NFRKB: variants seen among roughly 807,000 people sequenced by gnomAD.
NFRKB encodes the protein nuclear factor related to kappaB binding protein, also known as nuclear factor related to kappa-B-binding protein.
NFRKB carries 62 observed loss-of-function variants against 135.7 expected under a neutral mutation model. That is an observed-to-expected ratio of 0.46 (90% CI 0.37 to 0.56). NFRKB has a LOEUF of 0.56. NFRKB is among the 20% of genes least tolerant of loss of function. The pLI is 0.00. For synonymous variants in NFRKB, 678 were observed against 635.6 expected (o/e 1.07, Z -1.00); for missense variants, 1,545 against 1,662.0 (o/e 0.93, Z 1.22).
chr11:129,875,594 A>T, intron 17 of NFRKB, 131 bp from the exon 18 acceptor site: 9 of 521,216 alleles, frequency 1.7e-5, no homozygotes, highest in Middle Eastern at 5.5e-4. Context: ...ATGCCGGATT[A>T]GGTGCACTCT....
In NFRKB at chr11:129,884,798, G is replaced by T; in HGVS notation, c.689C>A (p.Ala230Glu). 1 of 1,614,194 alleles carries T rather than the reference G, an allele frequency of 6.2e-7. No individual in the cohort carries two copies. Among genetic ancestry groups the T allele is most frequent in the Non-Finnish European group, 8.5e-7 (1 of 1,180,034 alleles). Residue 230 changes from alanine to glutamate, a missense_variant, in exon 7 of 27, where the codon GCG becomes GAG. Physicochemically the swap from Ala to Glu is moderately radical, Grantham distance 107. Transcript: ENST00000682444. ...PSSPARSPSP[A>E]VPLRVVPTLS... ...TGTGGGCACCACCCGCAGGGGCACC[G>T]CAGGACTAGGAGAACGTGCTGGAGA... is the stretch of plus-strand genomic sequence containing the variant.
chr11:129,873,821 T>C lies in NFRKB; in HGVS notation c.2474A>G (p.Gln825Arg). 1 of 1,614,204 alleles carries C rather than the reference T, an allele frequency of 6.2e-7. No individual in the cohort carries two copies. Among genetic ancestry groups the C allele is most frequent in the Non-Finnish European group, 8.5e-7 (1 of 1,180,034 alleles). ...TCCTGCTGGCATCTGTGGCAATGTC[T>C]GTGCCGGCCCTCCCGACTGCTGGGG... ...AVPQQSGGPA[Q>R]TLPQMPAGPQ... Residue 825 changes from glutamine to arginine, a missense_variant, in exon 22 of 27, where the codon CAG becomes CGG. By Grantham distance (43) the Gln-to-Arg change is conservative (BLOSUM62 1). Around this residue, in one of 3 missense-constraint regions of NFRKB, gnomAD observed 753 missense variants for 804.3 expected, o/e 0.94. Coordinates refer to ENST00000682444, the MANE Select transcript of NFRKB (RefSeq NM_001143835.2).
At chr11:129,880,293 T>C (rs1948967611) in intron 13 of NFRKB, among the ~76,000 whole-genome samples, 1 of 152,128 alleles carries the variant, frequency 6.6e-6, no homozygotes, top group Non-Finnish European at 1.5e-5. Flanking sequence ...AACACCTTCC[T>C]CCACCAGCTG....
At chr11:129,868,526 A>C (rs997083103) in intron 24 of NFRKB, among the ~76,000 whole-genome samples, 1 of 152,156 alleles carries the variant, frequency 6.6e-6, no homozygotes, top group African/African-American at 2.4e-5. Flanking sequence ...GGAGTATCTC[A>C]ACTCTCCATG....
Position 129,869,584 on chromosome 11 carries a change from C to A in NFRKB, c.3441G>T (p.Gly1147=). 1 of 1,614,104 alleles carries A rather than the reference C, an allele frequency of 6.2e-7. No homozygotes were observed. The highest frequency in any genetic ancestry group is 1.3e-5 in the African/African-American group (1 of 74,994). ...TGATGCTGATGGGGGTGCTTGCAGCCCCAGAAGCCACAGCTACAGTCTTGG... is the reference window on the plus strand; with the variant it reads ...TGATGCTGATGGGGGTGCTTGCAGCACCAGAAGCCACAGCTACAGTCTTGG... The part of the protein sequence containing the change: ...AVSKTVAVAS[G]AASTPISIST... The change falls in exon 24 of 27, where the codon GGG becomes GGT. Residue 1147 remains glycine, a synonymous_variant. Transcript: ENST00000682444.
intron 3 of NFRKB, among the ~76,000 whole-genome samples, chr11:129,891,567 T>C (rs1255495733): frequency 6.6e-6 from 1 of 152,154 alleles, no homozygotes; most frequent in Non-Finnish European, 1.5e-5. Context: ...ATGGATTCCC[T>C]GAGTCACCAG....
chr11:129,881,469 T>C lies in NFRKB; in HGVS notation c.1358A>G (p.Glu453Gly). 6.2e-7 allele frequency: 1 copy of C among 1,614,194 alleles called. No individual in the cohort carries two copies. Among genetic ancestry groups the C allele is most frequent in the Non-Finnish European group, 8.5e-7 (1 of 1,180,030 alleles). The change falls in exon 13 of 27, where the codon GAG becomes GGG. Residue 453 changes from glutamate (E) to glycine (G), a missense_variant. Physicochemically the swap from Glu to Gly is moderately conservative, Grantham distance 98. Coordinates refer to ENST00000682444, the MANE Select transcript of NFRKB (RefSeq NM_001143835.2). The stretch of plus-strand genomic sequence containing the variant: ...AAGCAACTTCCACTGCTGGGTTTTC[T>C]CTTTGAATTCAACAAATGGAGAGAA... Reference protein sequence around the residue: ...SSFSPFVEFKEKTQQWKLLGQ... With the variant: ...SSFSPFVEFKGKTQQWKLLGQ...
chr11:129,891,137 A>C (rs1220763820), intron 3 of NFRKB, among the ~76,000 whole-genome samples: 1 of 152,186 alleles, frequency 6.6e-6, no homozygotes. Context: ...CCGTGCTTGC[A>C]GTGGGACTCA....
At chr11:129,889,483 T>C (rs1323028589) in intron 3 of NFRKB, among the ~76,000 whole-genome samples, 2 of 151,920 alleles carry the variant, frequency 1.3e-5, no homozygotes, top group East Asian at 3.9e-4. Flanking sequence ...GGAATGAACT[T>C]GAGGGACTGA....
intron 2 of NFRKB, chr11:129,894,060 G>A (rs540705552): frequency 2.6e-5 from 4 of 152,090 alleles, no homozygotes; most frequent in African/African-American, 7.2e-5. Flanking sequence ...TTTCTCCTTC[G>A]TGTAATAACA....
Position 129,877,858 on chromosome 11 carries a change from T to C in NFRKB, c.1511+451A>G, listed in dbSNP as rs74339272. 6.9e-3 allele frequency among the ~76,000 whole-genome samples: 1,055 copies of C among 152,160 alleles called. 10 individuals carry two copies. Among genetic ancestry groups the C allele is most frequent in the African/African-American group, 0.024 (1,000 of 41,490 alleles). ...CTGGTGTCAGAAAACTACCGAACCATGCCAGGGAAGAAAAAGAAACATGGG... is the reference window on the plus strand; with the variant it reads ...CTGGTGTCAGAAAACTACCGAACCACGCCAGGGAAGAAAAAGAAACATGGG... On this transcript the variant is annotated intron_variant, in intron 15 of 26. Coordinates refer to ENST00000682444, the MANE Select transcript of NFRKB (RefSeq NM_001143835.2).
intron 10 of NFRKB, 53 bp from the exon 11 acceptor site, chr11:129,882,247 G>T: frequency 6.7e-7 from 1 of 1,495,318 alleles, no homozygotes; most frequent in East Asian, 2.3e-5. Flanking sequence ...CACATCCCTA[G>T]ATTGATTCAG....
In NFRKB at chr11:129,873,919, C is replaced by A. The variant is rs200732701; in HGVS notation, c.2376G>T (p.Arg792=). ...QTAPSSQAAA[R]VVSHSGSAGL... ...CAGCAGAGCCAGAGTGGCTCACGAC[C>A]CGGGCGGCAGCCTGAGAACTGGGTG... The change falls in exon 22 of 27, where the codon CGG becomes CGT. Residue 792 remains arginine (R), a synonymous_variant. Coordinates refer to ENST00000682444, the MANE Select transcript of NFRKB (RefSeq NM_001143835.2). 82 of 1,613,670 alleles carry A rather than the reference C, an allele frequency of 5.1e-5. No individual in the cohort carries two copies. Among genetic ancestry groups the A allele is most frequent in the Middle Eastern group, 1.6e-4 (1 of 6,062 alleles).
In NFRKB at chr11:129,888,545, G is replaced by C. The variant is rs368130249; in HGVS notation, c.337+49C>G. ...AAAGGAATACCCACATAAAGTGAAC[G>C]TGTGCCCATCCACCACCCCCCTCAA... is the stretch of plus-strand genomic sequence containing the variant. On this transcript the variant is annotated intron_variant, in intron 4 of 26. Coordinates refer to ENST00000682444, the MANE Select transcript of NFRKB (RefSeq NM_001143835.2). The C allele has an allele frequency of 8.0e-6, 12 of 1,499,172 alleles. No homozygotes were observed. The East Asian group carries it at 2.5e-4, about 31-fold the overall frequency. The allele number at this position is 1,499,172 out of a possible 1,614,324, so 92.9% of individuals were successfully genotyped here. A position where few individuals can be genotyped will look rare whatever the true frequency, so the allele number is the denominator to read the frequency against.
Position 129,873,116 on chromosome 11 carries a change from C to T in NFRKB, c.2551-20G>A, listed in dbSNP as rs775475085. The T allele has an allele frequency of 6.4e-7, 1 of 1,562,760 alleles. No individual in the cohort carries two copies. Among genetic ancestry groups the T allele is most frequent in the Non-Finnish European group, 8.7e-7 (1 of 1,149,938 alleles). Reference sequence around the variant, plus strand: ...TACTGTCTAGTTGAGGGCATGAGGCCAAGAGCTTAATTAGACTCTAAGATG... The same window carrying T: ...TACTGTCTAGTTGAGGGCATGAGGCTAAGAGCTTAATTAGACTCTAAGATG... On this transcript the variant is annotated intron_variant, in intron 22 of 26. Coordinates refer to ENST00000682444, the MANE Select transcript of NFRKB (RefSeq NM_001143835.2).
intron 9 of NFRKB, among the ~76,000 whole-genome samples, 185 bp from the exon 10 acceptor site, chr11:129,882,816 C>T (rs905066086): frequency 3.9e-5 from 6 of 152,174 alleles, no homozygotes; most frequent in African/African-American, 1.4e-4. Context: ...CAGGATCTCA[C>T]TCTGTTGCCC....
Position 129,872,926 on chromosome 11 carries a change from A to C in NFRKB, c.2721T>G (p.Ala907=). 6.2e-6 allele frequency: 10 copies of C among 1,613,620 alleles called. No homozygotes were observed. The highest frequency in any genetic ancestry group is 8.5e-6 in the Non-Finnish European group (10 of 1,179,566). Reference sequence around the variant, plus strand: ...GTCCTGTGACATTTTGAATGACGGCAGCCGTGGAGGCACTGGGAGCAGAGG... The same window carrying C: ...GTCCTGTGACATTTTGAATGACGGCCGCCGTGGAGGCACTGGGAGCAGAGG... ...PGTSAPSAST[A]AVIQNVTGQN... is the part of the protein sequence containing the mutation. Residue 907 remains alanine, a synonymous_variant, in exon 23 of 27, where the codon GCT becomes GCG. Transcript: ENST00000682444.
intron 13 of NFRKB, 139 bp from the exon 14 acceptor site, chr11:129,878,682 GCC>G: frequency 1.4e-6 from 1 of 736,362 alleles, no homozygotes. Context: ...CACATCCACT[GCC>G]TTCCAGCTGG....
intron 13 of NFRKB, among the ~76,000 whole-genome samples, chr11:129,879,668 CCT>C (rs1421592403): frequency 6.6e-6 from 1 of 152,332 alleles, no homozygotes; most frequent in East Asian, 1.9e-4. Context: ...ATAGTCAACC[CCT>C]GCCCCCGCAC....
Sources: allele counts gnomAD v4.1 joint callset (sites outside exome capture counted in the v4.1 genomes callset), GRCh38; gene constraint gnomAD v4.1.1; regional missense constraint gnomAD v4.1.1; transcripts MANE v1.5; gene names NCBI Gene and HGNC (gene_info 2026-07-23, HGNC 2026-07-21).